GRK5: variants seen among roughly 807,000 people sequenced by gnomAD.
The protein encoded by GRK5 is G protein-coupled receptor kinase 5, also known as g protein-coupled receptor kinase GRK5.
GRK5 carries 40 observed loss-of-function variants against 78.4 expected under a neutral mutation model. The ratio of observed to expected loss-of-function variants is 0.51; its 90% CI spans 0.40 to 0.66. The LOEUF (loss-of-function observed/expected upper bound fraction) is 0.66. Ranked by LOEUF, GRK5 falls within the 30% of genes least tolerant of loss-of-function variation. GRK5 has a pLI of 0.00. For missense variants in GRK5, 598 were observed against 759.9 expected (o/e 0.79, Z 2.50); for synonymous variants, 289 against 296.8 (o/e 0.97, Z 0.27).
chr10:119,343,675 G>A (rs1219040982), intron 2 of GRK5, among the ~76,000 whole-genome samples: 1 of 152,232 alleles, frequency 6.6e-6, no homozygotes, highest in Non-Finnish European at 1.5e-5. Flanking sequence ...TGAGGCAGAA[G>A]GTCAGGGGAG....
intron 4 of GRK5, among the ~76,000 whole-genome samples, chr10:119,418,143 G>T: frequency 6.6e-6 from 1 of 152,202 alleles, no homozygotes; most frequent in Non-Finnish European, 1.5e-5. Context: ...GCGGCCCCAG[G>T]TTCCTCCAGT....
intron 2 of GRK5, among the ~76,000 whole-genome samples, chr10:119,335,166 CTCTCTCTCTCCCCCTCTCCCTCT>C (rs1564895376): frequency 2.8e-5 from 4 of 143,722 alleles, no homozygotes; most frequent in African/African-American, 1.1e-4. Flanking sequence ...CTCTCTCTCT[CTCTCTCTCTCCCCCTCTCCCTCT>C]CCCCCCACCT....
chr10:119,313,318 C>T lies in GRK5; in HGVS notation c.53-13198C>T, dbSNP rs904597723. ...ATGGTGGTGGTGATGATGGTGGTGG[C>T]AATGGCAGTGGTGGTGGTGATGGGG... On this transcript the variant is annotated intron_variant, in intron 1 of 15. Transcript: ENST00000392870. Among the ~76,000 whole-genome samples the T allele has an allele frequency of 1.3e-4, 17 of 131,988 alleles. No individual in the cohort carries two copies. In the South Asian group the frequency reaches 3.4e-3, roughly 26 times the overall value. 86.6% of individuals were successfully genotyped at this position (131,988 alleles called of 152,430 possible).
chr10:119,239,816 G>A (rs1172279690), intron 1 of GRK5, among the ~76,000 whole-genome samples: 1 of 152,016 alleles, frequency 6.6e-6, no homozygotes, highest in Non-Finnish European at 1.5e-5. Flanking sequence ...ATGGTTTCCA[G>A]CTTCATTCAT....
Position 119,414,983 on chromosome 10 carries a change from G to A in GRK5, c.340-8183G>A, listed in dbSNP as rs1475951948. Among the ~76,000 whole-genome samples, 4 of 148,174 alleles carry A rather than the reference G, an allele frequency of 2.7e-5. No homozygotes were observed. In the East Asian group the frequency reaches 8.4e-4, roughly 31 times the overall value. ...TGTAATCCCAGCTACTCAGAAGGCT[G>A]AGGCATGAGAATAACTTGAACCTGG... On this transcript the variant is annotated intron_variant, in intron 4 of 15. Coordinates refer to ENST00000392870, the MANE Select transcript of GRK5 (RefSeq NM_005308.3).
At chr10:119,221,197 C>T (rs1295568227) in intron 1 of GRK5, among the ~76,000 whole-genome samples, 1 of 152,162 alleles carries the variant, frequency 6.6e-6, no homozygotes. Flanking sequence ...AAGCATCTCT[C>T]TCTGTCTTCC....
At chr10:119,451,062 ATCCCTGCCAGCCCCCCACCATCG>A (rs1589817926) in intron 13 of GRK5, among the ~76,000 whole-genome samples, 1 of 26,584 alleles carries the variant, frequency 3.8e-5, no homozygotes, top group Non-Finnish European at 6.5e-5. Flanking sequence ...CCCCACAGTC[ATCCCTGCCAGCCCCCCACCATCG>A]TCCCTGCCAG....
chr10:119,232,389 G>A (rs1336675551), intron 1 of GRK5, among the ~76,000 whole-genome samples: 1 of 152,188 alleles, frequency 6.6e-6, no homozygotes, highest in Non-Finnish European at 1.5e-5. Context: ...AGCTAGATAG[G>A]AGGAAGAAAC....
intron 4 of GRK5, among the ~76,000 whole-genome samples, chr10:119,421,637 T>C (rs1852571031): frequency 6.6e-6 from 1 of 152,210 alleles, no homozygotes; most frequent in South Asian, 2.1e-4. Context: ...TGTTGGTAAC[T>C]GGGAAATGTG....
intron 4 of GRK5, among the ~76,000 whole-genome samples, chr10:119,416,936 G>A (rs960449371): frequency 1.3e-5 from 2 of 152,148 alleles, no homozygotes; most frequent in Non-Finnish European, 2.9e-5. Flanking sequence ...TGCAGAGGCC[G>A]TACTCCTCTG....
At chr10:119,315,215 T>C (rs529836294) in intron 1 of GRK5, among the ~76,000 whole-genome samples, 1 of 152,258 alleles carries the variant, frequency 6.6e-6, no homozygotes, top group African/African-American at 2.4e-5. Flanking sequence ...TGCATCGGGT[T>C]GGAGAAAGTA....
At chr10:119,321,923 C>T (rs1193034893) in intron 1 of GRK5, among the ~76,000 whole-genome samples, 1 of 152,024 alleles carries the variant, frequency 6.6e-6, no homozygotes, top group South Asian at 2.1e-4. Flanking sequence ...CTGTTCTTTT[C>T]CTAAATGTTG....
intron 1 of GRK5, among the ~76,000 whole-genome samples, chr10:119,226,320 T>TG (rs1163647185): frequency 6.8e-6 from 1 of 148,078 alleles, no homozygotes; most frequent in African/African-American, 2.5e-5. Flanking sequence ...TTAATTTTTT[T>TG]TTTTTTTTTG....
chr10:119,254,058 C>A (rs1421372028), intron 1 of GRK5, among the ~76,000 whole-genome samples: 1 of 152,212 alleles, frequency 6.6e-6, no homozygotes. Flanking sequence ...TTAAACCAAA[C>A]CACACCACAG....
intron 1 of GRK5, among the ~76,000 whole-genome samples, chr10:119,228,395 T>A (rs1848774291): frequency 6.9e-6 from 1 of 145,894 alleles, no homozygotes; most frequent in African/African-American, 2.6e-5. Context: ...GCAAAAACGT[T>A]ATGGAGATCT....
chr10:119,297,694 C>T (rs775047560), intron 1 of GRK5, among the ~76,000 whole-genome samples: 7 of 152,212 alleles, frequency 4.6e-5, no homozygotes, highest in African/African-American at 9.6e-5. Context: ...GCTCTTGCCC[C>T]CTCTTGCCCT....
intron 2 of GRK5, among the ~76,000 whole-genome samples, chr10:119,363,113 C>T (rs564795478): frequency 4.8e-4 from 73 of 152,108 alleles, no homozygotes; most frequent in Middle Eastern, 6.8e-3. Flanking sequence ...AACCCTGTCT[C>T]TACTAAAAAT....
At chr10:119,212,066 G>T (rs1848496840) in intron 1 of GRK5, among the ~76,000 whole-genome samples, 4 of 152,132 alleles carry the variant, frequency 2.6e-5, no homozygotes, top group African/African-American at 7.2e-5. Context: ...ATCTTACCAA[G>T]CGACAGCTTT....
At chr10:119,399,743 T>C (rs763162028) in intron 4 of GRK5, among the ~76,000 whole-genome samples, 11 of 152,060 alleles carry the variant, frequency 7.2e-5, no homozygotes, top group East Asian at 1.9e-4. Flanking sequence ...TTGACCATAA[T>C]TTTTTTTCAA....
Sources: gnomAD v4.1 joint callset for allele counts (sites outside exome capture counted in the v4.1 genomes callset) on GRCh38, gnomAD v4.1.1 for gene constraint, MANE v1.5 for transcripts, NCBI Gene and HGNC (gene_info 2026-07-23, HGNC 2026-07-21) for gene names.